Variants in PKHD1 observed in about 807,000 individuals in gnomAD.
PKHD1 encodes PKHD1 ciliary IPT domain containing fibrocystin/polyductin.
In PKHD1, 291 loss-of-function variants were observed where a neutral mutation model predicts 412.0. The ratio of observed to expected loss-of-function variants is 0.71; its 90% CI spans 0.64 to 0.78. The LOEUF is 0.78. Ranked by LOEUF, PKHD1 falls within the 30% of genes least tolerant of loss-of-function variation. PKHD1 has a pLI of 0.00. For synonymous variants in PKHD1, 1,777 were observed against 1,821.5 expected (o/e 0.98, Z 0.62); for missense variants, 4,825 against 4,950.7 (o/e 0.97, Z 0.76).
intron 61 of PKHD1, among the ~76,000 whole-genome samples, chr6:51,654,044 T>C (rs374814657): frequency 3.4e-4 from 52 of 152,232 alleles, no homozygotes; most frequent in African/African-American, 1.2e-3. Context: ...GAGATTTAAT[T>C]CAAGATATTG....
chr6:51,714,683 A>T (rs1000953717), intron 60 of PKHD1, among the ~76,000 whole-genome samples: 7 of 152,208 alleles, frequency 4.6e-5, no homozygotes, highest in Non-Finnish European at 1.5e-5. Context: ...AGGCTACCAT[A>T]TTGGATAGAA....
chr6:51,899,780 C>G (rs953414125), intron 43 of PKHD1, among the ~76,000 whole-genome samples: 2 of 152,200 alleles, frequency 1.3e-5, no homozygotes, highest in African/African-American at 4.8e-5. Flanking sequence ...ATTGTCTCAG[C>G]CCAAAATCTC....
At chr6:51,727,456 T>G (rs1177644706) in intron 60 of PKHD1, among the ~76,000 whole-genome samples, 1 of 152,172 alleles carries the variant, frequency 6.6e-6, no homozygotes, top group Non-Finnish European at 1.5e-5. Flanking sequence ...GTACGCTTGA[T>G]AGAGATCCAA....
rs192808509 is a variant in PKHD1, at chr6:51,946,059, G to A, written c.5909-11737C>T. Among the ~76,000 whole-genome samples the A allele has an allele frequency of 1.8e-4, 28 of 152,172 alleles. No individual in the cohort carries two copies. In the East Asian group the frequency reaches 5.4e-3, roughly 29 times the overall value. Reference sequence around the variant, plus strand: ...TTGAAACAGATTACAAGGATTAGTGGGTAAATATATAAACATGGGCTTTGT... The same window carrying A: ...TTGAAACAGATTACAAGGATTAGTGAGTAAATATATAAACATGGGCTTTGT... On this transcript the variant is annotated intron_variant, in intron 36 of 66. Transcript: ENST00000371117.
In PKHD1 at chr6:51,772,739, T is replaced by A. The variant is rs1790360060; in HGVS notation, c.8605A>T (p.Thr2869Ser). 6.2e-7 allele frequency: 1 copy of A among 1,600,606 alleles called. No individual in the cohort carries two copies. Among genetic ancestry groups the A allele is most frequent in the African/African-American group, 1.3e-5 (1 of 74,596 alleles). Reference protein sequence around the residue: ...LYSAYPKNSWTHLGADIASGN... With the variant: ...LYSAYPKNSWSHLGADIASGN... ...GAGGCAATATCAGCTCCAAGATGTG[T>A]CCAGGAGTTCTTAGGATAAGCACTG... Residue 2869 changes from threonine to serine, a missense_variant, in exon 55 of 67, where the codon ACA becomes TCA. By Grantham distance (58) the Thr-to-Ser change is moderately conservative. Coordinates refer to ENST00000371117, the MANE Select transcript of PKHD1 (RefSeq NM_138694.4).
intron 43 of PKHD1, among the ~76,000 whole-genome samples, chr6:51,900,991 T>C (rs1583280665): frequency 6.6e-6 from 1 of 151,938 alleles, no homozygotes; most frequent in African/African-American, 2.4e-5. Flanking sequence ...CCAGTTAGAA[T>C]GGCAATCATT....
Position 52,033,075 on chromosome 6 carries a change from T to C in PKHD1, c.3319A>G (p.Asn1107Asp), listed in dbSNP as rs1468114879. 6.2e-7 allele frequency: 1 copy of C among 1,612,212 alleles called. No individual in the cohort carries two copies. Among genetic ancestry groups the C allele is most frequent in the Non-Finnish European group, 8.5e-7 (1 of 1,178,482 alleles). The change falls in exon 29 of 67, where the codon AAT (asparagine) becomes GAT (aspartate). Residue 1107 changes from asparagine to aspartate, a missense_variant. Asn to Asp is a conservative substitution (Grantham distance 23). Transcript: ENST00000371117. The part of the protein sequence containing the change: ...PRAFTYVSSL[N>D]PVIVTLSRNI... Reference sequence around the variant, plus strand: ...CTGCTCAGAGTCACAATAACTGGATTTAAGGAAGAGACATATGTAAATGCT... The same window carrying C: ...CTGCTCAGAGTCACAATAACTGGATCTAAGGAAGAGACATATGTAAATGCT...
intron 36 of PKHD1, among the ~76,000 whole-genome samples, chr6:51,938,680 G>A (rs550008335): frequency 4.6e-5 from 7 of 151,588 alleles, no homozygotes; most frequent in South Asian, 4.2e-4. Context: ...TCACACAGAC[G>A]CAAGTGAAAT....
chr6:51,892,475 G>A (rs1211166367), intron 43 of PKHD1, among the ~76,000 whole-genome samples: 2 of 152,186 alleles, frequency 1.3e-5, no homozygotes, highest in Non-Finnish European at 2.9e-5. Context: ...GGTATTCAGT[G>A]CATAGATACC....
chr6:51,638,069 G>A (rs1046558719), intron 64 of PKHD1, among the ~76,000 whole-genome samples: 18 of 152,012 alleles, frequency 1.2e-4, no homozygotes, highest in Non-Finnish European at 5.9e-5. Flanking sequence ...TATTTATTAG[G>A]ACCCAGATAT....
chr6:51,923,369 G>A (rs1297721152), intron 37 of PKHD1, among the ~76,000 whole-genome samples: 2 of 152,114 alleles, frequency 1.3e-5, no homozygotes, highest in Admixed American at 6.5e-5. Context: ...CCCTTATAGT[G>A]CAAAGCAGCC....
intron 46 of PKHD1, among the ~76,000 whole-genome samples, chr6:51,872,416 T>TG (rs552387805): frequency 1.1e-4 from 1 of 9,122 alleles, no homozygotes; most frequent in Non-Finnish European, 3.8e-3. Context: ...TGTTTTTTGG[T>TG]TTTTTTTTTT....
intron 33 of PKHD1, among the ~76,000 whole-genome samples, chr6:52,021,021 G>T (rs1297742548): frequency 6.6e-6 from 1 of 152,130 alleles, no homozygotes; most frequent in Non-Finnish European, 1.5e-5. Flanking sequence ...AACCTCTGGA[G>T]TTGGCTCTCA....
intron 63 of PKHD1, among the ~76,000 whole-genome samples, chr6:51,644,402 TAGA>T (rs1769806455): frequency 6.6e-6 from 1 of 152,166 alleles, no homozygotes; most frequent in Non-Finnish European, 1.5e-5. Context: ...TAAACGCAAT[TAGA>T]AGACGAGGCA....
chr6:51,732,951 A>ATAATATGC (rs1783399339), intron 60 of PKHD1, among the ~76,000 whole-genome samples: 1 of 152,230 alleles, frequency 6.6e-6, no homozygotes, highest in Non-Finnish European at 1.5e-5. Flanking sequence ...ATGAAATTCC[A>ATAATATGC]TAATATGCTA....
intron 55 of PKHD1, among the ~76,000 whole-genome samples, chr6:51,771,197 G>C (rs1364820584): frequency 1.0e-5 from 1 of 95,800 alleles, no homozygotes; most frequent in African/African-American, 3.3e-5. Flanking sequence ...TAACAGGTAG[G>C]ATACACACAC....
chr6:51,703,224 G>A (rs1192973583), intron 60 of PKHD1, among the ~76,000 whole-genome samples: 1 of 151,964 alleles, frequency 6.6e-6, no homozygotes, highest in Non-Finnish European at 1.5e-5. Flanking sequence ...CCTTCAGAGT[G>A]TCTAATTGAT....
At chr6:51,656,783 A>C (rs1236543771) in intron 61 of PKHD1, among the ~76,000 whole-genome samples, 1 of 151,648 alleles carries the variant, frequency 6.6e-6, no homozygotes, top group Non-Finnish European at 1.5e-5. Flanking sequence ...CAGCCTTCCA[A>C]GTAGCTGGGA....
At chr6:52,035,824 C>G (rs776946607) in intron 27 of PKHD1, 103 bp from the exon 28 acceptor site, 18 of 1,202,154 alleles carry the variant, frequency 1.5e-5, no homozygotes, top group Middle Eastern at 2.4e-4. Context: ...TATGAAACTC[C>G]TTAGTCAAAA....
Sources: gnomAD v4.1 joint callset for allele counts (sites outside exome capture counted in the v4.1 genomes callset) on GRCh38, gnomAD v4.1.1 for gene constraint, MANE v1.5 for transcripts, NCBI Gene and HGNC (gene_info 2026-07-23, HGNC 2026-07-21) for gene names.